The following ANKRD6 variants were observed in gnomAD, a reference collection of about 807,000 sequenced individuals.
The protein encoded by ANKRD6 is ankyrin repeat domain 6.
A neutral mutation model predicts 82.3 loss-of-function variants in ANKRD6; 56 were observed. The observed-to-expected ratio is 0.68, with a 90% CI of 0.55 to 0.85. The LOEUF (loss-of-function observed/expected upper bound fraction) is 0.85. Among genes scored for constraint, ANKRD6 ranks in the 40% least tolerant of loss-of-function variants. ANKRD6 has a pLI of 0.00. For synonymous variants in ANKRD6, 347 were observed against 352.1 expected (o/e 0.99, Z 0.16); for missense variants, 852 against 907.6 (o/e 0.94, Z 0.79).
intron 1 of ANKRD6, among the ~76,000 whole-genome samples, chr6:89,437,735 G>T (rs1346312541): frequency 1.3e-5 from 2 of 152,178 alleles, no homozygotes; most frequent in Admixed American, 6.5e-5. Context: ...TGTTAGAAAA[G>T]ATGTTAAATA....
At chr6:89,442,500 G>T (rs1201643697) in intron 1 of ANKRD6, among the ~76,000 whole-genome samples, 1 of 151,626 alleles carries the variant, frequency 6.6e-6, no homozygotes, top group East Asian at 1.9e-4. Context: ...GTGCATGTTT[G>T]TAGTCCCAGC....
At chr6:89,605,753 G>C (rs1798388862) in intron 4 of ANKRD6, among the ~76,000 whole-genome samples, 1 of 152,148 alleles carries the variant, frequency 6.6e-6, no homozygotes, top group African/African-American at 2.4e-5. Flanking sequence ...AATGCCTTAT[G>C]AACAATCATC....
intron 1 of ANKRD6, among the ~76,000 whole-genome samples, chr6:89,498,754 A>G (rs1451806360): frequency 6.6e-6 from 1 of 152,222 alleles, no homozygotes; most frequent in Non-Finnish European, 1.5e-5. Context: ...CCAGTTTGCT[A>G]TGGATTAGAT....
In ANKRD6 at chr6:89,632,821, G is replaced by A. The variant is rs545600720; in HGVS notation, c.*1817G>A. On this transcript the variant is annotated 3_prime_UTR_variant, in exon 16 of 16. Transcript: ENST00000339746. ...AGTTTTCTAAATCTATTCTCAAACAGGATATCACTAACCTCTTTAGAATCA... is the reference window on the plus strand; with the variant it reads ...AGTTTTCTAAATCTATTCTCAAACAAGATATCACTAACCTCTTTAGAATCA... 3.3e-5 allele frequency: 5 copies of A among 152,212 alleles called. No individual in the cohort carries two copies. In the South Asian group the frequency reaches 1.0e-3, roughly 32 times the overall value. 9.4% of individuals were successfully genotyped at this position (152,212 alleles called of 1,614,324 possible). A position where few individuals can be genotyped will look rare whatever the true frequency, so the allele number is the denominator to read the frequency against.
chr6:89,493,518 T>C (rs554999198), intron 1 of ANKRD6, among the ~76,000 whole-genome samples: 1 of 152,258 alleles, frequency 6.6e-6, no homozygotes, highest in African/African-American at 2.4e-5. Flanking sequence ...CAAGCAATCC[T>C]CCCACTTCAG....
At chr6:89,553,560 C>T (rs1350575159) in intron 1 of ANKRD6, among the ~76,000 whole-genome samples, 2 of 152,134 alleles carry the variant, frequency 1.3e-5, no homozygotes, top group African/African-American at 4.8e-5. Flanking sequence ...ACATTTAATT[C>T]CCCGCTAGCA....
At chr6:89,487,011 C>G (rs1204412094) in intron 1 of ANKRD6, among the ~76,000 whole-genome samples, 1 of 152,180 alleles carries the variant, frequency 6.6e-6, no homozygotes, top group Non-Finnish European at 1.5e-5. Flanking sequence ...TCCATAGCAG[C>G]TACTGGTAAT....
rs1807726931 is a variant in ANKRD6 at position 89,633,154 on chromosome 6, G to T, written c.*2150G>T. On this transcript the variant is annotated 3_prime_UTR_variant, in exon 16 of 16. Transcript: ENST00000339746. ...TACAGAAGAATGAGAAGGGTCAAAA[G>T]GACCTAGTGTGGCTTACTACATGGA... 1 of 152,158 alleles carries T rather than the reference G, an allele frequency of 6.6e-6. No homozygotes were observed. The highest frequency in any genetic ancestry group is 6.5e-5 in the Admixed American group (1 of 15,280). The allele number at this position is 152,158 out of a possible 1,614,324, so 9.4% of individuals were successfully genotyped here.
At chr6:89,443,226 C>A (rs889370981) in intron 1 of ANKRD6, among the ~76,000 whole-genome samples, 1 of 152,146 alleles carries the variant, frequency 6.6e-6, no homozygotes, top group South Asian at 2.1e-4. Flanking sequence ...CTGCTTCCCC[C>A]ACCCCTGCCT....
At chr6:89,495,254 A>C (rs1778467425) in intron 1 of ANKRD6, among the ~76,000 whole-genome samples, 1 of 152,040 alleles carries the variant, frequency 6.6e-6, no homozygotes, top group South Asian at 2.1e-4. Context: ...AAACAAAACA[A>C]AACAAAACAG....
At chr6:89,585,679 C>A (rs1021459401) in intron 2 of ANKRD6, among the ~76,000 whole-genome samples, 1 of 152,166 alleles carries the variant, frequency 6.6e-6, no homozygotes, top group Non-Finnish European at 1.5e-5. Context: ...GAGGCCAAGG[C>A]GGGTGGATCA....
rs78201034 is a variant in ANKRD6 at position 89,578,599 on chromosome 6, T to C, written c.120+11503T>C. On this transcript the variant is annotated intron_variant, in intron 2 of 15. Transcript: ENST00000339746. ...GCATGAGCCACCGCATCCAGCCTGA[T>C]TTTTTTCATTGTATTGTTTCAGTTA... Among the ~76,000 whole-genome samples the C allele has an allele frequency of 6.0e-3, 910 of 152,310 alleles. 22 individuals carry two copies. Among genetic ancestry groups the C allele is most frequent in the Admixed American group, 0.041 (620 of 15,304 alleles).
chr6:89,600,776 C>T (rs1373157742), intron 3 of ANKRD6, among the ~76,000 whole-genome samples: 1 of 152,048 alleles, frequency 6.6e-6, no homozygotes, highest in Admixed American at 6.6e-5. Context: ...TGGCTCGCGC[C>T]TGTAATCCCA....
intron 1 of ANKRD6, among the ~76,000 whole-genome samples, chr6:89,445,264 CTTTTTTTTTTT>C (rs1227274602): frequency 1.6e-5 from 1 of 64,092 alleles, no homozygotes; most frequent in Non-Finnish European, 2.8e-5. Flanking sequence ...AGAGATCTTT[CTTTTTTTTTTT>C]TTTTTTTTTT....
At chr6:89,576,700 C>T (rs1390631937) in intron 2 of ANKRD6, among the ~76,000 whole-genome samples, 1 of 152,106 alleles carries the variant, frequency 6.6e-6, no homozygotes, top group East Asian at 1.9e-4. Context: ...CTGAAGCTCC[C>T]GTTGGGTCTG....
intron 1 of ANKRD6, among the ~76,000 whole-genome samples, chr6:89,549,922 G>A (rs6919075): frequency 0.36 from 38,344 of 105,402 alleles, 5,110 homozygotes; most frequent in South Asian, 0.6. Context: ...TTAAAAAAAA[G>A]AAAAGAAAAA....
chr6:89,506,799 G>C (rs1779921627), intron 1 of ANKRD6, among the ~76,000 whole-genome samples: 1 of 152,194 alleles, frequency 6.6e-6, no homozygotes, highest in Non-Finnish European at 1.5e-5. Flanking sequence ...ATCTCTAGCT[G>C]CAAGGTGTGG....
At chr6:89,614,354 T>G (rs539531895) in intron 7 of ANKRD6, among the ~76,000 whole-genome samples, 2 of 152,068 alleles carry the variant, frequency 1.3e-5, no homozygotes, top group African/African-American at 4.8e-5. Context: ...AAAATTTTTT[T>G]AAAAATTTGG....
intron 1 of ANKRD6, among the ~76,000 whole-genome samples, chr6:89,456,472 C>G (rs536913177): frequency 1.3e-5 from 2 of 152,302 alleles, no homozygotes; most frequent in Admixed American, 1.3e-4. Flanking sequence ...CACCTTCTCT[C>G]TGTGTTCTCA....
Sources: gnomAD v4.1 joint callset for allele counts (sites outside exome capture counted in the v4.1 genomes callset) on GRCh38, gnomAD v4.1.1 for gene constraint, MANE v1.5 for transcripts, NCBI Gene and HGNC (gene_info 2026-07-23, HGNC 2026-07-21) for gene names.